Variants in GSX2 observed in about 807,000 individuals in gnomAD.
GSX2 encodes GS homeobox 2, also known as genetic-screened homeobox 2.
In GSX2, 16 loss-of-function variants were observed where a neutral mutation model predicts 19.2. The observed-to-expected ratio is 0.84, with a 90% CI of 0.57 to 1.27. The LOEUF (loss-of-function observed/expected upper bound fraction) is 1.27. Among genes scored for constraint, GSX2 ranks in the 50% most tolerant of loss-of-function variants. GSX2 has a pLI of 0.00. For synonymous variants in GSX2, 217 were observed against 196.4 expected, an observed-to-expected ratio of 1.10 and a Z score of -0.88; for missense variants, 448 against 428.4, an observed-to-expected ratio of 1.05 and a Z score of -0.40.
At position 54,100,651 on chromosome 4, in the gene GSX2, C is replaced by T. The variant is rs887606692; in HGVS notation, c.307C>T (p.Pro103Ser). ...SGVAGAAGAL[P>S]LLKGQFSSAP... ...GGTGGCAGGGGCCGCAGGGGCACTG[C>T]CTCTGCTTAAGGGCCAGTTCTCTTC... Residue 103 changes from proline (P) to serine (S), a missense_variant, in exon 1 of 2, where the codon CCT becomes TCT. Transcript: ENST00000326902. 1.9e-6 allele frequency: 3 copies of T among 1,548,102 alleles called. No individual in the cohort carries two copies. The highest frequency in any genetic ancestry group is 1.4e-5 in the African/African-American group (1 of 72,858).
chr4:54,101,963 C>G lies in GSX2; in HGVS notation c.*41C>G. On this transcript the variant is annotated 3_prime_UTR_variant, in exon 2 of 2. Transcript: ENST00000326902. This position sits in a 1 kb window ranked among gnomAD's most constrained non-coding sequence, Gnocchi z 5.0. ...CTCACATCCCCCGCTCCTGGCAGAC[C>G]AGGCAACGCCAAGGCGTGGGGCACC... The G allele has an allele frequency of 6.8e-7, 1 of 1,480,126 alleles. No individual in the cohort carries two copies. Among genetic ancestry groups the G allele is most frequent in the East Asian group, 2.4e-5 (1 of 41,258 alleles). 91.7% of individuals were successfully genotyped at this position (1,480,126 alleles called of 1,614,324 possible). A position where few individuals can be genotyped will look rare whatever the true frequency, so the allele number is the denominator to read the frequency against.
chr4:54,101,584 G>A lies in GSX2; in HGVS notation c.577G>A (p.Gly193Ser). 6.2e-7 allele frequency: 1 copy of A among 1,609,892 alleles called. No homozygotes were observed. The highest frequency in any genetic ancestry group is 2.2e-5 in the East Asian group (1 of 44,844). Reference sequence around the variant, plus strand: ...ACCCTCTCTTCGCCGGTCCGCAGGAGGCTCTGACGCCAGCCAGGTACCCAA... The same window carrying A: ...ACCCTCTCTTCGCCGGTCCGCAGGAAGCTCTGACGCCAGCCAGGTACCCAA... ...PRRFHCLTMGGSDASQVPNGK... is the reference protein window; with the variant it reads ...PRRFHCLTMGSSDASQVPNGK... The change falls in exon 2 of 2, where the codon GGC becomes AGC. Residue 193 changes from glycine (G) to serine (S), a missense_variant and splice_region_variant. Gly to Ser is a moderately conservative substitution (Grantham distance 56, BLOSUM62 0). Coordinates refer to ENST00000326902, the MANE Select transcript of GSX2 (RefSeq NM_133267.3). The surrounding 1 kb of genome is among the most constrained non-coding windows in gnomAD (Gnocchi z 5.0).
rs1578005302 is a variant in GSX2, at chr4:54,101,684, A to G, written c.677A>G (p.Tyr226Cys). 3.1e-6 allele frequency: 5 copies of G among 1,613,886 alleles called. No homozygotes were observed. Among genetic ancestry groups the G allele is most frequent in the Non-Finnish European group, 4.2e-6 (5 of 1,179,898 alleles). Residue 226 changes from tyrosine (Y) to cysteine (C), a missense_variant, in exon 2 of 2, where the codon TAC becomes TGC. By Grantham distance (194) the Tyr-to-Cys change is radical. Coordinates refer to ENST00000326902, the MANE Select transcript of GSX2 (RefSeq NM_133267.3). This position sits in a 1 kb window ranked among gnomAD's most constrained non-coding sequence, Gnocchi z 5.0. ...GAGAGAGAATTCTCTTCCAACATGT[A>G]CCTGTCTCGACTCCGGAGGATTGAA... ...ELEREFSSNM[Y>C]LSRLRRIEIA... is the part of the protein sequence containing the mutation.
chr4:54,100,960 C>G, intron 1 of GSX2, 42 bp downstream of exon 1: 3 of 1,504,876 alleles, frequency 2.0e-6, no homozygotes, highest in Non-Finnish European at 2.7e-6. Flanking sequence ...GCGCCTTTCG[C>G]GCTCCTGGAG....
In GSX2 at chr4:54,100,876, T is replaced by C. The variant is rs775770617; in HGVS notation, c.532T>C (p.Tyr178His). The C allele has an allele frequency of 3.2e-6, 5 of 1,573,442 alleles. No individual in the cohort carries two copies. The South Asian group carries it at 5.7e-5, about 18-fold the overall frequency. The stretch of plus-strand genomic sequence containing the variant: ...CGCACCTGTCTGCACCGCCACCACC[T>C]ACAACGTGGCGGACCCGCGGAGATT... ...HHAPVCTATT[Y>H]NVADPRRFHC... Residue 178 changes from tyrosine (Y) to histidine (H), a missense_variant, in exon 1 of 2, where the codon TAC becomes CAC. By Grantham distance (83) the Tyr-to-His change is moderately conservative. Transcript: ENST00000326902.
chr4:54,100,497 G>A lies in GSX2; in HGVS notation c.153G>A (p.Pro51=). The change falls in exon 1 of 2, where the codon CCG becomes CCA. Residue 51 remains proline, a synonymous_variant. Coordinates refer to ENST00000326902, the MANE Select transcript of GSX2 (RefSeq NM_133267.3). ...TGTCCGTGTCCGGCCCCGGCTGCCC[G>A]TCCCGCAAGAGCGGCGCGTTCTGCG... ...LVMSVSGPGC[P]SRKSGAFCVC... is the part of the protein sequence containing the mutation. 1 of 1,613,636 alleles carries A rather than the reference G, an allele frequency of 6.2e-7. No individual in the cohort carries two copies. The highest frequency in any genetic ancestry group is 8.5e-7 in the Non-Finnish European group (1 of 1,179,896).
chr4:54,100,253 T>C lies in GSX2; in HGVS notation c.-92T>C. 6.5e-7 allele frequency: 1 copy of C among 1,547,620 alleles called. No homozygotes were observed. The highest frequency in any genetic ancestry group is 1.9e-5 in the Admixed American group (1 of 51,716). On this transcript the variant is annotated 5_prime_UTR_variant, in exon 1 of 2. Coordinates refer to ENST00000326902, the MANE Select transcript of GSX2 (RefSeq NM_133267.3). ...GCGTCCCCAAGGGCTTGACTGCCCG[T>C]GTCTGCGCGGCTCCCAGGGCAGAGC...
At position 54,101,337 on chromosome 4, in the gene GSX2, A is replaced by AT. The variant is rs548871247; in HGVS notation, c.575-244dup. 1.4e-3 allele frequency among the ~76,000 whole-genome samples: 215 copies of AT among 152,342 alleles called. 1 individual carries two copies. Among genetic ancestry groups the AT allele is most frequent in the African/African-American group, 5.0e-3 (207 of 41,584 alleles). The stretch of plus-strand genomic sequence containing the variant: ...GCTTGGCTCAAAGGGAGGCGATCAG[A>AT]TAGTGCAAGCCCCCATCCCTCTTTA... On this transcript the variant is annotated intron_variant, in intron 1 of 1. Coordinates refer to ENST00000326902, the MANE Select transcript of GSX2 (RefSeq NM_133267.3). The surrounding 1 kb of genome is among the most constrained non-coding windows in gnomAD (Gnocchi z 5.0).
rs553061577 is a variant in GSX2 at position 54,101,989 on chromosome 4, C to T, written c.*67C>T. ...AGGCAACGCCAAGGCGTGGGGCACC[C>T]AGGGGCCAGAATCCTTGCTCATTGC... On this transcript the variant is annotated 3_prime_UTR_variant, in exon 2 of 2. Coordinates refer to ENST00000326902, the MANE Select transcript of GSX2 (RefSeq NM_133267.3). The surrounding 1 kb of genome is among the most constrained non-coding windows in gnomAD (Gnocchi z 5.0). 6 of 1,330,626 alleles carry T rather than the reference C, an allele frequency of 4.5e-6. No individual in the cohort carries two copies. Among genetic ancestry groups the T allele is most frequent in the East Asian group, 2.5e-5 (1 of 39,816 alleles). The allele number at this position is 1,330,626 out of a possible 1,614,324, so 82.4% of individuals were successfully genotyped here.
rs1718166289 is a variant in GSX2 at position 54,101,127 on chromosome 4, T to C, written c.574+209T>C. On this transcript the variant is annotated intron_variant, in intron 1 of 1. Coordinates refer to ENST00000326902, the MANE Select transcript of GSX2 (RefSeq NM_133267.3). The surrounding 1 kb of genome is among the most constrained non-coding windows in gnomAD (Gnocchi z 5.0). Reference sequence around the variant, plus strand: ...CACTCAGCCTGGTGCGTTTTACTCCTAGTAGTAGGTGCTCGAGTATTGCCT... The same window carrying C: ...CACTCAGCCTGGTGCGTTTTACTCCCAGTAGTAGGTGCTCGAGTATTGCCT... Among the ~76,000 whole-genome samples the C allele has an allele frequency of 6.6e-6, 1 of 152,210 alleles. No homozygotes were observed. The highest frequency in any genetic ancestry group is 2.4e-5 in the African/African-American group (1 of 41,458).
In GSX2 at chr4:54,100,451, G is replaced by A; in HGVS notation, c.107G>A (p.Gly36Asp). The change falls in exon 1 of 2, where the codon GGC (glycine) becomes GAC (aspartate). Residue 36 changes from glycine to aspartate, a missense_variant. Transcript: ENST00000326902. Reference protein sequence around the residue: ...HPGPDFFIPLGMPPPLVMSVS... With the variant: ...HPGPDFFIPLDMPPPLVMSVS... ...GGGCCGGATTTCTTCATCCCGCTTGGCATGCCGCCCCCATTGGTGATGTCC... is the reference window on the plus strand; with the variant it reads ...GGGCCGGATTTCTTCATCCCGCTTGACATGCCGCCCCCATTGGTGATGTCC... 1.2e-6 allele frequency: 2 copies of A among 1,613,994 alleles called. No individual in the cohort carries two copies. Among genetic ancestry groups the A allele is most frequent in the Non-Finnish European group, 1.7e-6 (2 of 1,179,970 alleles).
rs939289682 is a variant in GSX2, at chr4:54,100,388, C to T, written c.44C>T (p.Thr15Ile). The T allele has an allele frequency of 1.9e-6, 3 of 1,613,932 alleles. No individual in the cohort carries two copies. The highest frequency in any genetic ancestry group is 1.6e-4 in the Middle Eastern group (1 of 6,084). ...GTCGACTCGCTCATCATCAAGGACACCTCACGGCCTGCGCCCTCGCTGCCT... is the reference window on the plus strand; with the variant it reads ...GTCGACTCGCTCATCATCAAGGACATCTCACGGCCTGCGCCCTCGCTGCCT... ...FYVDSLIIKD[T>I]SRPAPSLPEP... is the part of the protein sequence containing the mutation. Residue 15 changes from threonine to isoleucine, a missense_variant, in exon 1 of 2, where the codon ACC (threonine) becomes ATC (isoleucine). Transcript: ENST00000326902.
In GSX2 at chr4:54,101,789, G is replaced by A; in HGVS notation, c.782G>A (p.Gly261Glu). Residue 261 changes from glycine (G) to glutamate (E), a missense_variant, in exon 2 of 2, where the codon GGG (glycine) becomes GAG (glutamate). Gly to Glu is a moderately conservative substitution (Grantham distance 98, BLOSUM62 -2). Coordinates refer to ENST00000326902, the MANE Select transcript of GSX2 (RefSeq NM_133267.3). The surrounding 1 kb of genome is among the most constrained non-coding windows in gnomAD (Gnocchi z 5.0). ...CGCCGAGTGAAGCACAAGAAGGAGG[G>A]GAAGGGCACGCAGAGGAACAGTCAC... is the stretch of plus-strand genomic sequence containing the variant. ...QNRRVKHKKE[G>E]KGTQRNSHAG... The A allele has an allele frequency of 6.2e-7, 1 of 1,614,244 alleles. No homozygotes were observed. The highest frequency in any genetic ancestry group is 8.5e-7 in the Non-Finnish European group (1 of 1,180,050).
In GSX2 at chr4:54,100,341, C is replaced by A. The variant is rs1424110261; in HGVS notation, c.-4C>A. The A allele has an allele frequency of 6.2e-7, 1 of 1,612,808 alleles. No homozygotes were observed. ...GGGGCTTCCAGCCACCCACCCCTCTCGACATGTCGCGCTCCTTCTATGTCG... is the reference window on the plus strand; with the variant it reads ...GGGGCTTCCAGCCACCCACCCCTCTAGACATGTCGCGCTCCTTCTATGTCG... On this transcript the variant is annotated 5_prime_UTR_variant, in exon 1 of 2. Coordinates refer to ENST00000326902, the MANE Select transcript of GSX2 (RefSeq NM_133267.3).
In GSX2 at chr4:54,101,729, T is replaced by G; in HGVS notation, c.722T>G (p.Leu241Arg). 1 of 1,614,172 alleles carries G rather than the reference T, an allele frequency of 6.2e-7. No individual in the cohort carries two copies. Among genetic ancestry groups the G allele is most frequent in the Non-Finnish European group, 8.5e-7 (1 of 1,180,026 alleles). ...RRIEIATYLN[L>R]SEKQVKIWFQ... ...ATTGAAATCGCCACTTACCTGAACC[T>G]GTCGGAGAAGCAGGTGAAAATCTGG... is the stretch of plus-strand genomic sequence containing the variant. The change falls in exon 2 of 2, where the codon CTG becomes CGG. Residue 241 changes from leucine (L) to arginine (R), a missense_variant. By Grantham distance (102) the Leu-to-Arg change is moderately radical. Coordinates refer to ENST00000326902, the MANE Select transcript of GSX2 (RefSeq NM_133267.3). This position sits in a 1 kb window ranked among gnomAD's most constrained non-coding sequence, Gnocchi z 5.0.
At position 54,101,985 on chromosome 4, in the gene GSX2, C is replaced by G; in HGVS notation, c.*63C>G. ...GACCAGGCAACGCCAAGGCGTGGGG[C>G]ACCCAGGGGCCAGAATCCTTGCTCA... On this transcript the variant is annotated 3_prime_UTR_variant, in exon 2 of 2. Transcript: ENST00000326902. The surrounding 1 kb of genome is among the most constrained non-coding windows in gnomAD (Gnocchi z 5.0). The G allele has an allele frequency of 7.4e-7, 1 of 1,344,468 alleles. No homozygotes were observed. Among genetic ancestry groups the G allele is most frequent in the Non-Finnish European group, 1.0e-6 (1 of 991,426 alleles). 83.3% of individuals were successfully genotyped at this position (1,344,468 alleles called of 1,614,324 possible).
At position 54,100,272 on chromosome 4, in the gene GSX2, G is replaced by A; in HGVS notation, c.-73G>A. 1.9e-6 allele frequency: 3 copies of A among 1,579,542 alleles called. No individual in the cohort carries two copies. The highest frequency in any genetic ancestry group is 2.3e-5 in the East Asian group (1 of 43,570). On this transcript the variant is annotated 5_prime_UTR_variant, in exon 1 of 2. Coordinates refer to ENST00000326902, the MANE Select transcript of GSX2 (RefSeq NM_133267.3). Reference sequence around the variant, plus strand: ...TGCCCGTGTCTGCGCGGCTCCCAGGGCAGAGCTTAGAACACTAGAGGAGAG... The same window carrying A: ...TGCCCGTGTCTGCGCGGCTCCCAGGACAGAGCTTAGAACACTAGAGGAGAG...
chr4:54,100,602 G>T lies in GSX2; in HGVS notation c.258G>T (p.Gly86=), dbSNP rs946486362. The change falls in exon 1 of 2, where the codon GGG becomes GGT. Residue 86 remains glycine, a synonymous_variant. Transcript: ENST00000326902. ...VGAGSGGAGA[G]VTGAGGSGVA... is the part of the protein sequence containing the mutation. ...CCGGCAGCGGGGGCGCAGGGGCCGG[G>T]GTTACCGGGGCCGGAGGCAGTGGGG... 1 of 1,561,508 alleles carries T rather than the reference G, an allele frequency of 6.4e-7. No individual in the cohort carries two copies. Among genetic ancestry groups the T allele is most frequent in the Non-Finnish European group, 8.7e-7 (1 of 1,153,952 alleles).
At position 54,100,259 on chromosome 4, in the gene GSX2, C is replaced by G; in HGVS notation, c.-86C>G. On this transcript the variant is annotated 5_prime_UTR_variant, in exon 1 of 2. Coordinates refer to ENST00000326902, the MANE Select transcript of GSX2 (RefSeq NM_133267.3). ...CCAAGGGCTTGACTGCCCGTGTCTGCGCGGCTCCCAGGGCAGAGCTTAGAA... is the reference window on the plus strand; with the variant it reads ...CCAAGGGCTTGACTGCCCGTGTCTGGGCGGCTCCCAGGGCAGAGCTTAGAA... 5 of 1,556,586 alleles carry G rather than the reference C, an allele frequency of 3.2e-6. No individual in the cohort carries two copies. The highest frequency in any genetic ancestry group is 4.3e-6 in the Non-Finnish European group (5 of 1,156,712).
Sources: gnomAD v4.1 joint callset for allele counts (sites outside exome capture counted in the v4.1 genomes callset) on GRCh38, gnomAD v4.1.1 for gene constraint, Gnocchi (gnomAD v3.1) non-coding constraint, MANE v1.5 for transcripts, NCBI Gene and HGNC (gene_info 2026-07-23, HGNC 2026-07-21) for gene names.